The following HYCC1 variants were observed in gnomAD, a reference collection of about 807,000 sequenced individuals.
HYCC1 encodes hyccin.
At chr7:22,946,184 GATTA>G in the HYCC1 span, 1 of 1,594,438 alleles carries the variant, frequency 6.3e-7, no homozygotes, top group African/African-American at 1.3e-5. Flanking sequence ...AAATGACAAA[GATTA>G]ATTAACATTA....
At chr7:22,924,618 G>A in the HYCC1 span, among the ~76,000 whole-genome samples, 13 of 152,312 alleles carry the variant, frequency 8.5e-5, no homozygotes, top group African/African-American at 1.9e-4. Context: ...ACTGCAAGGC[G>A]GCAGCAAGGC....
chr7:22,964,384 A>G, the HYCC1 span: 1 of 1,187,072 alleles, frequency 8.4e-7, no homozygotes, highest in South Asian at 1.2e-5. Flanking sequence ...AAGAAATTAA[A>G]TGTTTATTTC....
the HYCC1 span, among the ~76,000 whole-genome samples, chr7:22,923,532 G>A: frequency 6.6e-6 from 1 of 151,858 alleles, no homozygotes; most frequent in East Asian, 1.9e-4. Flanking sequence ...AAAGCAAGAG[G>A]AAGAAAATAG....
At chr7:22,932,244 G>A in the HYCC1 span, among the ~76,000 whole-genome samples, 1 of 152,138 alleles carries the variant, frequency 6.6e-6, no homozygotes, top group Non-Finnish European at 1.5e-5. Flanking sequence ...TGAGGATTTT[G>A]TGCCAGTAGG....
At chr7:22,998,698 TC>T in the HYCC1 span, among the ~76,000 whole-genome samples, 2 of 152,078 alleles carry the variant, frequency 1.3e-5, no homozygotes, top group South Asian at 2.1e-4. Flanking sequence ...GGCCCTTATT[TC>T]CTCTGCATCT....
At chr7:22,983,954 G>A in the HYCC1 span, 1 of 1,581,220 alleles carries the variant, frequency 6.3e-7, no homozygotes, top group Non-Finnish European at 8.7e-7. Context: ...CTCACTTTGT[G>A]GCTCCTGGAT....
the HYCC1 span, among the ~76,000 whole-genome samples, chr7:22,967,279 G>A: frequency 6.6e-6 from 1 of 152,188 alleles, no homozygotes; most frequent in East Asian, 1.9e-4. Context: ...AAGAAGCGGA[G>A]AGTCAGAGAG....
the HYCC1 span, among the ~76,000 whole-genome samples, chr7:22,960,724 C>T: frequency 6.6e-6 from 1 of 152,174 alleles, no homozygotes; most frequent in African/African-American, 2.4e-5. Flanking sequence ...GTTAAAAAGA[C>T]AGTTAGGTGT....
chr7:22,990,956 G>A, the HYCC1 span: 4 of 751,704 alleles, frequency 5.3e-6, no homozygotes, highest in South Asian at 3.0e-5. Flanking sequence ...TACTTCCACA[G>A]ATATTTAGCC....
chr7:22,998,065 C>T, the HYCC1 span, among the ~76,000 whole-genome samples: 1 of 152,172 alleles, frequency 6.6e-6, no homozygotes, highest in South Asian at 2.1e-4. Flanking sequence ...TGACTTCAGA[C>T]AAGATCAGGC....
the HYCC1 span, among the ~76,000 whole-genome samples, chr7:22,956,942 A>T: frequency 6.6e-6 from 1 of 152,068 alleles, no homozygotes; most frequent in African/African-American, 2.4e-5. Context: ...AACTTCCATT[A>T]TAATACTTTC....
chr7:22,918,442 C>A, the HYCC1 span, among the ~76,000 whole-genome samples: 1 of 152,088 alleles, frequency 6.6e-6, no homozygotes, highest in African/African-American at 2.4e-5. Flanking sequence ...TAGAAGCAGC[C>A]CTGGGAAACA....
the HYCC1 span, among the ~76,000 whole-genome samples, chr7:23,008,608 T>A: frequency 6.6e-6 from 1 of 152,024 alleles, no homozygotes; most frequent in Non-Finnish European, 1.5e-5. Flanking sequence ...CACAAAACCA[T>A]TTAGTGAAAT....
At chr7:22,960,417 T>C in the HYCC1 span, 1 of 1,610,426 alleles carries the variant, frequency 6.2e-7, no homozygotes, top group East Asian at 2.2e-5. Context: ...ATTAGCAACC[T>C]AAGGAGAAAA....
chr7:22,908,759 C>T, the HYCC1 span, among the ~76,000 whole-genome samples: 1 of 152,178 alleles, frequency 6.6e-6, no homozygotes, highest in East Asian at 1.9e-4. Flanking sequence ...CTTGAAATGT[C>T]TTGACTGATA....
the HYCC1 span, among the ~76,000 whole-genome samples, chr7:22,897,332 T>C: frequency 6.6e-6 from 1 of 152,150 alleles, no homozygotes; most frequent in Middle Eastern, 3.2e-3. Context: ...ACTGGAGAGT[T>C]TTAGCAGAGG....
chr7:22,990,978 T>C, the HYCC1 span: 7 of 931,658 alleles, frequency 7.5e-6, 1 homozygote, highest in Admixed American at 1.2e-4. Flanking sequence ...TTCAGTCATA[T>C]AAAATACAAA....
At chr7:22,947,007 A>G in the HYCC1 span, 11 of 1,549,652 alleles carry the variant, frequency 7.1e-6, no homozygotes, top group Admixed American at 9.8e-5. Context: ...AGGTGAGTTT[A>G]TTCCATCCTC....
chr7:22,997,331 C>T, the HYCC1 span, among the ~76,000 whole-genome samples: 41 of 152,164 alleles, frequency 2.7e-4, no homozygotes, highest in Admixed American at 1.8e-3. Flanking sequence ...TAAGCACTAA[C>T]GACAAACTAC....
Sources: allele counts gnomAD v4.1 joint callset (sites outside exome capture counted in the v4.1 genomes callset), GRCh38; gene constraint gnomAD v4.1.1; transcripts MANE v1.5; gene names NCBI Gene and HGNC (gene_info 2026-07-23, HGNC 2026-07-21).